The following FAHD2A variants were observed in gnomAD, a reference collection of about 807,000 sequenced individuals.
The protein encoded by FAHD2A is oxaloacetate tautomerase FAHD2A, mitochondrial.
Under a neutral mutation model 33.4 loss-of-function variants are expected in FAHD2A, and 27 were observed. The observed-to-expected ratio is 0.81, with a 90% CI of 0.60 to 1.11. FAHD2A has a LOEUF of 1.11. Ranked by LOEUF, FAHD2A falls within the 50% of genes most tolerant of loss-of-function variation. The pLI, the probability that FAHD2A is intolerant of heterozygous loss-of-function variation, is 0.00. For missense variants in FAHD2A, 296 were observed against 395.0 expected (o/e 0.75, Z 2.12); for synonymous variants, 130 against 153.3 (o/e 0.85, Z 1.12).
Position 95,413,625 on chromosome 2 carries a change from CCCAGGGG to C in FAHD2A, c.*674_*680del, listed in dbSNP as rs1682872057. On this transcript the variant is annotated 3_prime_UTR_variant, in exon 8 of 8. Transcript: ENST00000233379. Reference sequence around the variant, plus strand: ...CACCACAGGGACTGTGTCCACATGGCCCAGGGGCCAGGCCTGTCCCCCAGAAACCTGC... The same window carrying C: ...CACCACAGGGACTGTGTCCACATGGCCCAGGCCTGTCCCCCAGAAACCTGC... 2 of 1,467,656 alleles carry C rather than the reference CCCAGGGG, an allele frequency of 1.4e-6. No homozygotes were observed. The highest frequency in any genetic ancestry group is 5.4e-5 in the Admixed American group (2 of 37,182). 90.9% of individuals were successfully genotyped at this position (1,467,656 alleles called of 1,614,324 possible). A position where few individuals can be genotyped will look rare whatever the true frequency, so the allele number is the denominator to read the frequency against.
Position 95,405,585 on chromosome 2 carries a change from A to C in FAHD2A, c.27A>C (p.Leu9Phe), listed in dbSNP as rs778306764. ...TGCTGGTGTCTGGTAGAAGAAGGTT[A>C]CTCACAGTTCTGCTGCAGGCTCAGA... MLVSGRRR[L>F]LTVLLQAQKW... The change falls in exon 2 of 8, where the codon TTA becomes TTC. Residue 9 changes from leucine (L) to phenylalanine (F), a missense_variant. Transcript: ENST00000233379. 1.2e-6 allele frequency: 2 copies of C among 1,613,442 alleles called. No individual in the cohort carries two copies. The highest frequency in any genetic ancestry group is 3.3e-5 in the Admixed American group (2 of 59,996).
downstream of FAHD2A, among the ~76,000 whole-genome samples, chr2:95,419,984 GCCTGA>G (rs1683292568): frequency 6.6e-6 from 1 of 151,994 alleles, no homozygotes; most frequent in Admixed American, 6.6e-5. Flanking sequence ...AAGCCCAAAG[GCCTGA>G]CCACTAGGAA....
At chr2:95,404,146 C>T (rs1681150691) in intron 1 of FAHD2A, among the ~76,000 whole-genome samples, 1 of 152,182 alleles carries the variant, frequency 6.6e-6, no homozygotes, top group African/African-American at 2.4e-5. Context: ...CTGTACAATA[C>T]CGCCTTTGTT....
downstream of FAHD2A, among the ~76,000 whole-genome samples, chr2:95,420,649 T>TA (rs1683301826): frequency 6.8e-6 from 1 of 146,158 alleles, no homozygotes; most frequent in Admixed American, 6.9e-5. Context: ...AAGAGAGAGA[T>TA]AAAAAAAGAA....
rs1188673470 is a variant in FAHD2A at position 95,412,379 on chromosome 2, TG to T, written c.686-49del. On this transcript the variant is annotated intron_variant, in intron 5 of 7. Coordinates refer to ENST00000233379, the MANE Select transcript of FAHD2A (RefSeq NM_016044.3). The stretch of plus-strand genomic sequence containing the variant: ...CCCTACAGTTGTGTTTGTAAAATAT[TG>T]GGGGGTTTGAGGGGGAAAAGGGATA... The T allele has an allele frequency of 1.2e-5, 19 of 1,606,588 alleles. No homozygotes were observed. The Admixed American group carries it at 3.2e-4, about 27-fold the overall frequency.
At chr2:95,406,765 T>C (rs1681630804) in intron 2 of FAHD2A, among the ~76,000 whole-genome samples, 176 bp from the exon 3 acceptor site, 1 of 152,234 alleles carries the variant, frequency 6.6e-6, no homozygotes, top group African/African-American at 2.4e-5. Flanking sequence ...ATAAAAGCCC[T>C]GCTCTGATAG....
rs947039707 is a variant in FAHD2A at position 95,415,381 on chromosome 2, C to T, written c.*2424C>T. 3 of 145,952 alleles carry T rather than the reference C, an allele frequency of 2.1e-5. No homozygotes were observed. The highest frequency in any genetic ancestry group is 7.7e-5 in the African/African-American group (3 of 39,028). The allele number at this position is 145,952 out of a possible 1,614,324, so 9.0% of individuals were successfully genotyped here. A position where few individuals can be genotyped will look rare whatever the true frequency, so the allele number is the denominator to read the frequency against. The stretch of plus-strand genomic sequence containing the variant: ...AACAGATTAAACTCTAAGCCAACAA[C>T]AACAGAACAGGGTGGAGTGAGTGGA... On this transcript the variant is annotated 3_prime_UTR_variant, in exon 8 of 8. Coordinates refer to ENST00000233379, the MANE Select transcript of FAHD2A (RefSeq NM_016044.3).
rs1680946893 is a variant in FAHD2A at position 95,402,880 on chromosome 2, G to A, written c.-7+8G>A. 6.6e-6 allele frequency: 1 copy of A among 152,344 alleles called. No homozygotes were observed. Among genetic ancestry groups the A allele is most frequent in the Non-Finnish European group, 1.5e-5 (1 of 68,134 alleles). The allele number at this position is 152,344 out of a possible 1,614,324, so 9.4% of individuals were successfully genotyped here. A position where few individuals can be genotyped will look rare whatever the true frequency, so the allele number is the denominator to read the frequency against. ...ATCGGCCGCCGCGGCCAGGTAGGAC[G>A]AGCCTGGCTGGGTCTAGGCCAGAAG... On this transcript the variant is annotated splice_region_variant and intron_variant, in intron 1 of 7. Coordinates refer to ENST00000233379, the MANE Select transcript of FAHD2A (RefSeq NM_016044.3).
downstream of FAHD2A, among the ~76,000 whole-genome samples, chr2:95,419,238 G>A (rs963896380): frequency 6.6e-6 from 1 of 152,072 alleles, no homozygotes; most frequent in African/African-American, 2.4e-5. Context: ...AATAGAGGCA[G>A]TAAGGGCACT....
downstream of FAHD2A, among the ~76,000 whole-genome samples, chr2:95,417,310 T>C (rs3967705): frequency 1.2e-4 from 19 of 152,258 alleles, 1 homozygote; most frequent in African/African-American, 2.6e-4. Flanking sequence ...ATCTGGGAGC[T>C]GAGTTGCAGG....
At chr2:95,419,185 C>A (rs1683280341), downstream of FAHD2A, among the ~76,000 whole-genome samples, 1 of 152,210 alleles carries the variant, frequency 6.6e-6, no homozygotes, top group Non-Finnish European at 1.5e-5. Context: ...TTGTCTGAAG[C>A]AACCCAATTT....
downstream of FAHD2A, among the ~76,000 whole-genome samples, chr2:95,418,667 G>A (rs1683273103): frequency 6.6e-6 from 1 of 151,930 alleles, no homozygotes; most frequent in Admixed American, 6.5e-5. Flanking sequence ...ACAAAGATGG[G>A]GAATGAGTAA....
chr2:95,408,411 C>T (rs1681963990), intron 3 of FAHD2A, among the ~76,000 whole-genome samples: 1 of 152,078 alleles, frequency 6.6e-6, no homozygotes, highest in African/African-American at 2.4e-5. Context: ...CTGTATTAGT[C>T]TGTTTTCATG....
intron 4 of FAHD2A, 121 bp from the exon 5 acceptor site, chr2:95,410,743 C>T (rs2104369939): frequency 1.9e-6 from 3 of 1,553,186 alleles, no homozygotes; most frequent in East Asian, 2.3e-5. Flanking sequence ...CCTTTCCCTT[C>T]ACCCACCTTT....
At chr2:95,405,052 C>T (rs554532946) in intron 1 of FAHD2A, among the ~76,000 whole-genome samples, 116 of 152,364 alleles carry the variant, frequency 7.6e-4, no homozygotes, top group African/African-American at 2.4e-3. Context: ...ACCAGCGTCA[C>T]TTGCCCATGC....
In FAHD2A at chr2:95,411,171, T is replaced by C. The variant is rs1682437236; in HGVS notation, c.685+145T>C. ...GACTCCATACAGGGCAAGTCTCTTATCCTCAGCCACGAGTTCTCCCATGGG... is the reference window on the plus strand; with the variant it reads ...GACTCCATACAGGGCAAGTCTCTTACCCTCAGCCACGAGTTCTCCCATGGG... On this transcript the variant is annotated intron_variant, in intron 5 of 7. Transcript: ENST00000233379. 1.5e-5 allele frequency: 21 copies of C among 1,356,948 alleles called. No individual in the cohort carries two copies. The South Asian group carries it at 2.8e-4, about 18-fold the overall frequency. The allele number at this position is 1,356,948 out of a possible 1,614,324, so 84.1% of individuals were successfully genotyped here. A position where few individuals can be genotyped will look rare whatever the true frequency, so the allele number is the denominator to read the frequency against.
chr2:95,405,558 G>A lies in FAHD2A; in HGVS notation c.-1G>A. ...TCCTGCATTTTTCTCTGCAGGCTCT[G>A]ATGCTGGTGTCTGGTAGAAGAAGGT... On this transcript the variant is annotated 5_prime_UTR_variant, in exon 2 of 8. Transcript: ENST00000233379. The A allele has an allele frequency of 6.2e-7, 1 of 1,610,350 alleles. No individual in the cohort carries two copies. The highest frequency in any genetic ancestry group is 8.5e-7 in the Non-Finnish European group (1 of 1,177,130).
intron 1 of FAHD2A, among the ~76,000 whole-genome samples, chr2:95,403,460 C>T (rs1681044050): frequency 6.6e-6 from 1 of 152,190 alleles, no homozygotes; most frequent in African/African-American, 2.4e-5. Context: ...TGTAGTTTCC[C>T]CACGCATGTC....
At position 95,413,596 on chromosome 2, in the gene FAHD2A, C is replaced by G; in HGVS notation, c.*639C>G. On this transcript the variant is annotated 3_prime_UTR_variant, in exon 8 of 8. Coordinates refer to ENST00000233379, the MANE Select transcript of FAHD2A (RefSeq NM_016044.3). The stretch of plus-strand genomic sequence containing the variant: ...GGCCATGGAAGATGGGCCGTGAGTG[C>G]ACTCACCACAGGGACTGTGTCCACA... 1 of 1,528,992 alleles carries G rather than the reference C, an allele frequency of 6.5e-7. No individual in the cohort carries two copies. Among genetic ancestry groups the G allele is most frequent in the Non-Finnish European group, 8.8e-7 (1 of 1,139,062 alleles). 94.7% of individuals were successfully genotyped at this position (1,528,992 alleles called of 1,614,324 possible). A position where few individuals can be genotyped will look rare whatever the true frequency, so the allele number is the denominator to read the frequency against.
Sources: gnomAD v4.1 joint callset for allele counts (sites outside exome capture counted in the v4.1 genomes callset) on GRCh38, gnomAD v4.1.1 for gene constraint, MANE v1.5 for transcripts, NCBI Gene and HGNC (gene_info 2026-07-23, HGNC 2026-07-21) for gene names.